ZBTB20: variants seen among roughly 807,000 people sequenced by gnomAD.
ZBTB20 encodes zinc finger and BTB domain-containing protein 20.
ZBTB20 carries 9 observed loss-of-function variants against 56.9 expected under a neutral mutation model. That is an observed-to-expected ratio of 0.16 (90% CI 0.10 to 0.28). The LOEUF is 0.28. Among genes scored for constraint, ZBTB20 ranks in the 10% least tolerant of loss-of-function variants. The pLI, the probability that ZBTB20 is intolerant of heterozygous loss-of-function variation, is 1.00. For missense variants in ZBTB20, 655 were observed against 1,003.0 expected, an observed-to-expected ratio of 0.65 and a Z score of 4.69; for synonymous variants, 417 against 420.7, an observed-to-expected ratio of 0.99 and a Z score of 0.11.
At chr3:114,682,963 G>A (rs531059510) in intron 6 of ZBTB20, among the ~76,000 whole-genome samples, 3 of 152,188 alleles carry the variant, frequency 2.0e-5, no homozygotes, top group East Asian at 3.9e-4. Context: ...TATTTTCTGC[G>A]GGAACAAATT....
chr3:115,124,372 G>A (rs986194019), intron 1 of ZBTB20, among the ~76,000 whole-genome samples: 1 of 152,050 alleles, frequency 6.6e-6, no homozygotes, highest in Non-Finnish European at 1.5e-5. Flanking sequence ...ATCAACAAAT[G>A]TAAGCCAAAC....
chr3:115,120,896 A>G (rs1454275336), intron 1 of ZBTB20, among the ~76,000 whole-genome samples: 2 of 152,104 alleles, frequency 1.3e-5, no homozygotes, highest in Non-Finnish European at 1.5e-5. Flanking sequence ...CAAGTATTAC[A>G]GCTGCTATGG....
chr3:114,508,935 A>T (rs941614016), intron 6 of ZBTB20, among the ~76,000 whole-genome samples: 3 of 152,144 alleles, frequency 2.0e-5, no homozygotes, highest in Non-Finnish European at 2.9e-5. Flanking sequence ...GTTTAGTATC[A>T]CTACAGAAAA....
At chr3:115,058,585 C>T (rs547782836) in intron 2 of ZBTB20, among the ~76,000 whole-genome samples, 29 of 152,088 alleles carry the variant, frequency 1.9e-4, no homozygotes. Flanking sequence ...AAAAATTAGC[C>T]GGGCAAGGTG....
At chr3:114,561,402 G>T (rs2110284767) in intron 6 of ZBTB20, among the ~76,000 whole-genome samples, 1 of 152,208 alleles carries the variant, frequency 6.6e-6, no homozygotes, top group Non-Finnish European at 1.5e-5. Flanking sequence ...GGTAGCTATA[G>T]CCTTATGAAA....
intron 4 of ZBTB20, among the ~76,000 whole-genome samples, chr3:114,860,501 C>T (rs2075474298): frequency 6.6e-6 from 1 of 152,070 alleles, no homozygotes; most frequent in Non-Finnish European, 1.5e-5. Context: ...ATTACCAGAA[C>T]AATCAGAGAT....
intron 7 of ZBTB20, among the ~76,000 whole-genome samples, chr3:114,447,344 C>T (rs1432549339): frequency 6.6e-6 from 1 of 152,148 alleles, no homozygotes; most frequent in African/African-American, 2.4e-5. Context: ...CTGCACAGTT[C>T]AGATAGCTTG....
intron 6 of ZBTB20, among the ~76,000 whole-genome samples, chr3:114,525,743 C>A (rs80010458): frequency 6.6e-6 from 1 of 152,122 alleles, no homozygotes; most frequent in Non-Finnish European, 1.5e-5. Context: ...GGGCAGATAA[C>A]GGGTATTCAA....
intron 6 of ZBTB20, among the ~76,000 whole-genome samples, chr3:114,510,469 C>G (rs1043928604): frequency 4.6e-5 from 7 of 152,012 alleles, no homozygotes; most frequent in African/African-American, 1.7e-4. Flanking sequence ...ACCCACAACG[C>G]CACAGAGCTA....
chr3:114,929,322 T>C (rs1283559002), intron 3 of ZBTB20, among the ~76,000 whole-genome samples: 5 of 152,172 alleles, frequency 3.3e-5, no homozygotes, highest in Non-Finnish European at 7.3e-5. Flanking sequence ...TGAAGGTCAA[T>C]ATGTTCCTAC....
chr3:114,743,798 G>A (rs2066812447), intron 5 of ZBTB20: 1 of 152,058 alleles, frequency 6.6e-6, no homozygotes, highest in African/African-American at 2.4e-5. Flanking sequence ...AAAAGGAGAT[G>A]GTCCATAAAA....
At chr3:114,538,727 T>C (rs2048767866) in intron 6 of ZBTB20, among the ~76,000 whole-genome samples, 1 of 152,200 alleles carries the variant, frequency 6.6e-6, no homozygotes, top group Non-Finnish European at 1.5e-5. Flanking sequence ...TCTGTCATCT[T>C]ATTCAAACTG....
At chr3:114,711,035 T>C (rs2108438215) in intron 5 of ZBTB20, among the ~76,000 whole-genome samples, 1 of 152,256 alleles carries the variant, frequency 6.6e-6, no homozygotes. Context: ...CATGCTTAGG[T>C]TCTTCTAATA....
chr3:114,438,532 G>A (rs1180502941), intron 7 of ZBTB20, among the ~76,000 whole-genome samples: 1 of 151,998 alleles, frequency 6.6e-6, no homozygotes, highest in East Asian at 1.9e-4. Context: ...GGTGCTTGGA[G>A]GAAAGAAGGA....
intron 6 of ZBTB20, among the ~76,000 whole-genome samples, chr3:114,542,818 T>C (rs2049279001): frequency 1.3e-5 from 2 of 152,184 alleles, no homozygotes; most frequent in South Asian, 4.1e-4. Context: ...TAAATACCTA[T>C]TCTTTAATAG....
At chr3:114,531,902 C>T (rs1197858350) in intron 6 of ZBTB20, among the ~76,000 whole-genome samples, 9 of 152,134 alleles carry the variant, frequency 5.9e-5, no homozygotes, top group African/African-American at 1.4e-4. Flanking sequence ...GAATTCCCTC[C>T]GTTAGCCGAG....
At chr3:114,718,539 C>G (rs980876954) in intron 5 of ZBTB20, among the ~76,000 whole-genome samples, 1 of 152,056 alleles carries the variant, frequency 6.6e-6, no homozygotes, top group Non-Finnish European at 1.5e-5. Flanking sequence ...CAACCACGCG[C>G]TGTGACATAT....
At chr3:114,643,560 C>T (rs1170813790) in intron 6 of ZBTB20, among the ~76,000 whole-genome samples, 3 of 152,084 alleles carry the variant, frequency 2.0e-5, no homozygotes, top group African/African-American at 7.2e-5. Flanking sequence ...TGTGGCTAAT[C>T]TTTGGTTACT....
intron 6 of ZBTB20, among the ~76,000 whole-genome samples, chr3:114,623,166 G>C (rs539708317): frequency 1.3e-5 from 2 of 152,300 alleles, no homozygotes; most frequent in East Asian, 3.9e-4. Context: ...GGACCTGATG[G>C]TAAAGGATAA....
Sources: allele counts gnomAD v4.1 joint callset (sites outside exome capture counted in the v4.1 genomes callset), GRCh38; gene constraint gnomAD v4.1.1; transcripts MANE v1.5; gene names NCBI Gene and HGNC (gene_info 2026-07-23, HGNC 2026-07-21).